Variants in URGCP observed in about 807,000 individuals in gnomAD.
The protein encoded by URGCP is upregulator of cell proliferation, also known as up-regulator of cell proliferation.
A neutral mutation model predicts 24.6 loss-of-function variants in URGCP; 13 were observed. That is an observed-to-expected ratio of 0.53 (90% CI 0.34 to 0.84). The LOEUF (loss-of-function observed/expected upper bound fraction) is 0.84, where lower values mean the gene tolerates loss of function less well. Ranked by LOEUF, URGCP falls within the 40% of genes least tolerant of loss-of-function variation. The probability of loss-of-function intolerance (pLI) is 0.01; values close to 1 mark genes in which losing one functional copy is unlikely to be tolerated. For missense variants in URGCP, 899 were observed against 1,194.3 expected (o/e 0.75, Z 3.64); for synonymous variants, 444 against 487.2 (o/e 0.91, Z 1.17).
At chr7:43,903,136 AG>A (rs1291088164) in intron 1 of URGCP, among the ~76,000 whole-genome samples, 2,237 of 145,948 alleles carry the variant, frequency 0.015, 58 homozygotes, top group African/African-American at 0.052. Context: ...AAAAAAAAAA[AG>A]AGAGAGAGAG....
At chr7:43,880,598 T>G (rs1182707267) in intron 5 of URGCP, among the ~76,000 whole-genome samples, 1 of 152,172 alleles carries the variant, frequency 6.6e-6, no homozygotes, top group East Asian at 1.9e-4. Flanking sequence ...CACAAGACAC[T>G]TGGCTAGTTT....
At chr7:43,913,359 C>T in intron 1 of URGCP, among the ~76,000 whole-genome samples, 1 of 151,788 alleles carries the variant, frequency 6.6e-6, no homozygotes, top group East Asian at 2.0e-4. Flanking sequence ...CAGGCGCCTG[C>T]CACCACTCCC....
chr7:43,899,695 G>A (rs1026614463), intron 1 of URGCP, among the ~76,000 whole-genome samples: 4 of 152,076 alleles, frequency 2.6e-5, no homozygotes, highest in African/African-American at 7.2e-5. Flanking sequence ...GATCTAGGTC[G>A]CTTTGAGTAT....
In URGCP at chr7:43,877,543, C is replaced by A. The variant is rs754066426; in HGVS notation, c.1920G>T (p.Gln640His). The change falls in exon 6 of 6, where the codon CAG (glutamine) becomes CAT (histidine). Residue 640 changes from glutamine to histidine, a missense_variant. Gln to His is a conservative substitution (Grantham distance 24). Coordinates refer to ENST00000453200, the MANE Select transcript of URGCP (RefSeq NM_001077663.3). ...LVEAGRLPAG[Q>H]RRFAHFPGLA... ...AGCCTGGGAAGTGGGCAAAACGCCT[C>A]TGGCCTGCCGGCAGCCTCCCTGCCT... 1.4e-5 allele frequency: 23 copies of A among 1,613,138 alleles called. No individual in the cohort carries two copies. Among genetic ancestry groups the A allele is most frequent in the Admixed American group, 3.3e-5 (2 of 60,002 alleles).
chr7:43,878,330 T>C lies in URGCP; in HGVS notation c.1133A>G (p.Glu378Gly), dbSNP rs367764896. Residue 378 changes from glutamate (E) to glycine (G), a missense_variant, in exon 6 of 6, where the codon GAG becomes GGG. Coordinates refer to ENST00000453200, the MANE Select transcript of URGCP (RefSeq NM_001077663.3). This position sits in a 1 kb window ranked among gnomAD's most constrained non-coding sequence, Gnocchi z 5.6. ...KEYKLLYSMK[E>G]STTKYYFILS... Reference sequence around the variant, plus strand: ...GATGAAGTAGTATTTTGTGGTTGACTCCTTCATGGAGTACAGCAATTTGTA... The same window carrying C: ...GATGAAGTAGTATTTTGTGGTTGACCCCTTCATGGAGTACAGCAATTTGTA... 137 of 1,614,128 alleles carry C rather than the reference T, an allele frequency of 8.5e-5. No individual in the cohort carries two copies. The highest frequency in any genetic ancestry group is 1.1e-4 in the Non-Finnish European group (131 of 1,180,050).
At chr7:43,923,374 A>T (rs1024140571) in intron 1 of URGCP, among the ~76,000 whole-genome samples, 1 of 151,314 alleles carries the variant, frequency 6.6e-6, no homozygotes, top group African/African-American at 2.4e-5. Context: ...GCAGCCTCAA[A>T]TTCCTGGAAT....
chr7:43,881,752 G>A, intron 4 of URGCP, 55 bp from the exon 5 acceptor site: 2 of 1,613,194 alleles, frequency 1.2e-6, no homozygotes, highest in Non-Finnish European at 1.7e-6. Context: ...ACCCTTGGCT[G>A]ACACAAATTA....
intron 1 of URGCP, among the ~76,000 whole-genome samples, chr7:43,923,565 G>A (rs1363704724): frequency 1.3e-5 from 2 of 152,146 alleles, no homozygotes; most frequent in East Asian, 3.9e-4. Context: ...TGAGATTACA[G>A]GCCTGAGCCA....
intron 3 of URGCP, among the ~76,000 whole-genome samples, chr7:43,883,358 A>T (rs796781918): frequency 0.024 from 2,311 of 95,502 alleles, 54 homozygotes; most frequent in African/African-American, 0.075. Context: ...ATATATATAT[A>T]TATATTTTTT....
Position 43,877,400 on chromosome 7 carries a change from C to T in URGCP, c.2063G>A (p.Arg688Lys), listed in dbSNP as rs773006536. ...TGACAGAACCACCAGCCTTGACCGT[C>T]TCTCCAGTCGGACGTGCAGCTCCTT... Reference protein sequence around the residue: ...LLKELHVRLERRSRLVVLSTV... With the variant: ...LLKELHVRLEKRSRLVVLSTV... The change falls in exon 6 of 6, where the codon AGA becomes AAA. Residue 688 changes from arginine (R) to lysine (K), a missense_variant. Arg to Lys is a conservative substitution (Grantham distance 26). Coordinates refer to ENST00000453200, the MANE Select transcript of URGCP (RefSeq NM_001077663.3). The T allele has an allele frequency of 6.2e-6, 10 of 1,613,262 alleles. No individual in the cohort carries two copies. The highest frequency in any genetic ancestry group is 8.5e-6 in the Non-Finnish European group (10 of 1,180,024).
chr7:43,918,896 G>A, intron 1 of URGCP: 2 of 1,409,232 alleles, frequency 1.4e-6, no homozygotes, highest in Admixed American at 1.7e-5. Context: ...CTGTGCTGCT[G>A]GACCTGGAGC....
chr7:43,881,249 T>C lies in URGCP; in HGVS notation c.202+410A>G. ...AGTGTGTGGCCCTTGGCAGGTTGTTTGGAAGCTCTGGGCCCAGTATCCTGA... is the reference window on the plus strand; with the variant it reads ...AGTGTGTGGCCCTTGGCAGGTTGTTCGGAAGCTCTGGGCCCAGTATCCTGA... On this transcript the variant is annotated intron_variant, in intron 5 of 5. Transcript: ENST00000453200. 3 of 702,846 alleles carry C rather than the reference T, an allele frequency of 4.3e-6. No homozygotes were observed. In the South Asian group the frequency reaches 4.4e-5, roughly 10 times the overall value. The allele number at this position is 702,846 out of a possible 1,614,324, so 43.5% of individuals were successfully genotyped here.
At chr7:43,912,099 C>G (rs886217407) in intron 1 of URGCP, among the ~76,000 whole-genome samples, 1 of 151,956 alleles carries the variant, frequency 6.6e-6, no homozygotes, top group Admixed American at 6.6e-5. Context: ...ATATTTAAAA[C>G]AAAGAAAGAT....
At chr7:43,898,735 A>T (rs2095883418) in intron 1 of URGCP, among the ~76,000 whole-genome samples, 1 of 150,462 alleles carries the variant, frequency 6.6e-6, no homozygotes, top group Admixed American at 6.6e-5. Flanking sequence ...GAGCAAGAAG[A>T]CCCTGTCTCA....
chr7:43,920,054 C>T, intron 1 of URGCP: 3 of 1,299,956 alleles, frequency 2.3e-6, no homozygotes, highest in Non-Finnish European at 3.3e-6. Context: ...CACCCAGGAG[C>T]AGTGAGTCCC....
At chr7:43,897,743 C>T (rs901277202) in intron 1 of URGCP, among the ~76,000 whole-genome samples, 42 of 152,110 alleles carry the variant, frequency 2.8e-4, no homozygotes, top group Admixed American at 1.3e-4. Flanking sequence ...ACAAACGCTC[C>T]ATTATCTAGC....
At chr7:43,922,030 T>C (rs186191110) in intron 1 of URGCP, among the ~76,000 whole-genome samples, 19 of 151,762 alleles carry the variant, frequency 1.3e-4, no homozygotes, top group African/African-American at 4.4e-4. Flanking sequence ...GTAGCTGGGA[T>C]TACAGGTGCA....
chr7:43,881,021 C>T (rs2095852951), intron 5 of URGCP: 1 of 607,478 alleles, frequency 1.6e-6, no homozygotes, highest in Admixed American at 2.8e-5. Flanking sequence ...CATTAGGGGA[C>T]CTATGAACTT....
chr7:43,923,815 C>A (rs2132735928), intron 1 of URGCP, among the ~76,000 whole-genome samples: 1 of 152,226 alleles, frequency 6.6e-6, no homozygotes, highest in Middle Eastern at 3.4e-3. Context: ...GCTTGAAGCA[C>A]AAAAGTTTTA....
Sources: gnomAD v4.1 joint callset for allele counts (sites outside exome capture counted in the v4.1 genomes callset) on GRCh38, gnomAD v4.1.1 for gene constraint, Gnocchi (gnomAD v3.1) non-coding constraint, MANE v1.5 for transcripts, NCBI Gene and HGNC (gene_info 2026-07-23, HGNC 2026-07-21) for gene names.